Variants in LEF1 observed in about 807,000 individuals in gnomAD.
LEF1 encodes lymphoid enhancer binding factor 1, also known as lymphoid enhancer-binding factor 1.
In LEF1, 14 loss-of-function variants were observed where a neutral mutation model predicts 51.2. The ratio of observed to expected loss-of-function variants is 0.27; its 90% CI spans 0.18 to 0.43. The LOEUF is 0.43. Among genes scored for constraint, LEF1 ranks in the 20% least tolerant of loss-of-function variants. The pLI is 1.00. For synonymous variants in LEF1, 185 were observed against 183.2 expected (o/e 1.01, Z -0.08); for missense variants, 386 against 512.0 (o/e 0.75, Z 2.37).
intron 11 of LEF1, among the ~76,000 whole-genome samples, chr4:108,051,531 G>A (rs546941736): frequency 4.6e-5 from 7 of 152,270 alleles, no homozygotes; most frequent in South Asian, 2.1e-4. Flanking sequence ...CAGGCCAGGC[G>A]AGCCCCGGCA....
At chr4:108,081,459 G>T in intron 6 of LEF1, 127 bp downstream of exon 6, 1 of 707,096 alleles carries the variant, frequency 1.4e-6, no homozygotes, top group Non-Finnish European at 2.5e-6. Flanking sequence ...CAGGCACACT[G>T]CACAGACAGA....
chr4:108,071,572 C>A (rs911702264), intron 8 of LEF1: 4 of 152,170 alleles, frequency 2.6e-5, no homozygotes, highest in African/African-American at 9.7e-5. Context: ...GCACATATAA[C>A]AAAGTCATTT....
intron 3 of LEF1, among the ~76,000 whole-genome samples, chr4:108,102,063 C>CAAA (rs5860893): frequency 2.6e-5 from 2 of 77,826 alleles, no homozygotes; most frequent in African/African-American, 4.0e-5. Context: ...AACCCGGTCT[C>CAAA]AAAAAAAAAA....
intron 3 of LEF1, among the ~76,000 whole-genome samples, chr4:108,099,230 T>C (rs1246003467): frequency 6.6e-6 from 1 of 152,150 alleles, no homozygotes; most frequent in Non-Finnish European, 1.5e-5. Flanking sequence ...AAATTACATA[T>C]ATGACTTGCA....
chr4:108,081,429 C>T (rs1739296865), intron 6 of LEF1, among the ~76,000 whole-genome samples, 157 bp downstream of exon 6: 1 of 152,048 alleles, frequency 6.6e-6, no homozygotes, highest in Admixed American at 6.5e-5. Context: ...GGGACTCTCT[C>T]TGACACCTAG....
intron 11 of LEF1, among the ~76,000 whole-genome samples, chr4:108,058,084 C>T (rs1011967376): frequency 2.0e-5 from 3 of 151,864 alleles, no homozygotes; most frequent in African/African-American, 7.3e-5. Flanking sequence ...CTACGTTGGC[C>T]AGGCTGGTCT....
At chr4:108,089,049 G>C in intron 4 of LEF1, 76 bp downstream of exon 4, 1 of 1,548,382 alleles carries the variant, frequency 6.5e-7, no homozygotes, top group Non-Finnish European at 8.9e-7. Context: ...CTGGCATCTG[G>C]AAGGTCACTC....
chr4:108,118,387 T>G (rs1024064356), intron 3 of LEF1, among the ~76,000 whole-genome samples: 1 of 152,234 alleles, frequency 6.6e-6, no homozygotes, highest in Non-Finnish European at 1.5e-5. Context: ...TCCATACATT[T>G]TATACAAAAA....
intron 3 of LEF1, among the ~76,000 whole-genome samples, chr4:108,137,907 A>C (rs1167634158): frequency 6.6e-6 from 1 of 152,258 alleles, no homozygotes; most frequent in Admixed American, 6.5e-5. Flanking sequence ...TGAAAGAGAT[A>C]TATAATTTCC....
At chr4:108,105,661 T>C (rs1741116761) in intron 3 of LEF1, among the ~76,000 whole-genome samples, 1 of 152,184 alleles carries the variant, frequency 6.6e-6, no homozygotes, top group East Asian at 1.9e-4. Flanking sequence ...TGAATGAAAA[T>C]TTTAAGTCTT....
At chr4:108,059,305 C>T (rs930487779) in intron 11 of LEF1, among the ~76,000 whole-genome samples, 10 of 152,276 alleles carry the variant, frequency 6.6e-5, no homozygotes, top group Admixed American at 3.9e-4. Context: ...TCCATGAAAC[C>T]CATAGGATCT....
chr4:108,166,692 ATAAAG>A (rs1217046989), intron 1 of LEF1: 1 of 996,392 alleles, frequency 1.0e-6, no homozygotes, highest in African/African-American at 1.7e-5. Flanking sequence ...AGAAGACCCG[ATAAAG>A]CGCCTTCCAC....
At chr4:108,144,984 C>T (rs1303233087) in intron 3 of LEF1, among the ~76,000 whole-genome samples, 2 of 151,308 alleles carry the variant, frequency 1.3e-5, no homozygotes, top group Non-Finnish European at 2.9e-5. Flanking sequence ...AGTATCTTAT[C>T]GGAACAAATA....
chr4:108,056,969 G>A (rs1737347944), intron 11 of LEF1, among the ~76,000 whole-genome samples: 1 of 151,400 alleles, frequency 6.6e-6, no homozygotes, highest in Non-Finnish European at 1.5e-5. Context: ...GGGTGCAGAA[G>A]TTTTCCCAGG....
intron 3 of LEF1, among the ~76,000 whole-genome samples, chr4:108,144,009 G>A (rs1358486178): frequency 6.6e-6 from 1 of 152,018 alleles, no homozygotes; most frequent in Non-Finnish European, 1.5e-5. Flanking sequence ...AGAACCTGGA[G>A]GGTCCTTATG....
intron 3 of LEF1, among the ~76,000 whole-genome samples, chr4:108,102,560 T>C (rs1012068906): frequency 6.6e-6 from 1 of 152,112 alleles, no homozygotes; most frequent in East Asian, 1.9e-4. Flanking sequence ...GGGAAGGAGA[T>C]AGGAGGCACC....
chr4:108,157,177 T>TACACAC (rs1326345518), intron 3 of LEF1, among the ~76,000 whole-genome samples: 6,439 of 88,766 alleles, frequency 0.073, 151 homozygotes, highest in Middle Eastern at 0.15. Flanking sequence ...TCTATATATA[T>TACACAC]ATACACACAC....
chr4:108,064,055 C>T (rs1737884631), intron 10 of LEF1, among the ~76,000 whole-genome samples: 1 of 152,048 alleles, frequency 6.6e-6, no homozygotes, highest in African/African-American at 2.4e-5. Flanking sequence ...ACACAGACAA[C>T]AGAAGCAAAA....
intron 4 of LEF1, among the ~76,000 whole-genome samples, chr4:108,085,303 T>TGAACTCCTGACCTC (rs1403458838): frequency 1.3e-5 from 2 of 152,182 alleles, no homozygotes; most frequent in African/African-American, 4.8e-5. Flanking sequence ...AGGCTGATCT[T>TGAACTCCTGACCTC]GAACTCCTGA....
Sources: allele counts gnomAD v4.1 joint callset (sites outside exome capture counted in the v4.1 genomes callset), GRCh38; gene constraint gnomAD v4.1.1; transcripts MANE v1.5; gene names NCBI Gene and HGNC (gene_info 2026-07-23, HGNC 2026-07-21).